The following SPIDR variants were observed in gnomAD, a reference collection of about 807,000 sequenced individuals.
SPIDR encodes the protein DNA repair-scaffolding protein.
In SPIDR, 93 loss-of-function variants were observed where a neutral mutation model predicts 104.6. That is an observed-to-expected ratio of 0.89 (90% confidence interval 0.75 to 1.06). The LOEUF (loss-of-function observed/expected upper bound fraction) is 1.06, where lower values mean the gene tolerates loss of function less well. Ranked by LOEUF, SPIDR falls within the 50% of genes least tolerant of loss-of-function variation. SPIDR has a pLI of 0.00. For synonymous variants in SPIDR, 431 were observed against 416.9 expected, an observed-to-expected ratio of 1.03 and a Z score of -0.41; for missense variants, 1,154 against 1,111.2, an observed-to-expected ratio of 1.04 and a Z score of -0.55.
intron 8 of SPIDR, among the ~76,000 whole-genome samples, chr8:47,532,140 G>C (rs1033257404): frequency 6.7e-6 from 1 of 149,954 alleles, no homozygotes; most frequent in African/African-American, 2.5e-5. Flanking sequence ...GCGCGATCTC[G>C]GCTCACTGCA....
chr8:47,492,243 C>T (rs2078835849), intron 8 of SPIDR, among the ~76,000 whole-genome samples: 1 of 152,174 alleles, frequency 6.6e-6, no homozygotes, highest in Non-Finnish European at 1.5e-5. Context: ...CCCCTGATTT[C>T]CATCTGCCAG....
chr8:47,592,294 T>C (rs1208199769), intron 8 of SPIDR: 1 of 1,114,874 alleles, frequency 9.0e-7, no homozygotes, highest in Non-Finnish European at 1.4e-6. Flanking sequence ...ATAGCAGAAC[T>C]GTGTGCGGAT....
At chr8:47,485,212 G>C (rs554518753) in intron 8 of SPIDR, among the ~76,000 whole-genome samples, 2 of 152,224 alleles carry the variant, frequency 1.3e-5, no homozygotes, top group Non-Finnish European at 1.5e-5. Context: ...CCCGTGCAAG[G>C]CTCGGAGGGT....
At chr8:47,492,967 C>T (rs1270379240) in intron 8 of SPIDR, among the ~76,000 whole-genome samples, 1 of 151,906 alleles carries the variant, frequency 6.6e-6, no homozygotes, top group Admixed American at 6.6e-5. Flanking sequence ...AATGAAGTCT[C>T]TACTGATACC....
intron 5 of SPIDR, among the ~76,000 whole-genome samples, chr8:47,298,729 GT>G (rs1396998621): frequency 6.6e-6 from 1 of 152,092 alleles, no homozygotes; most frequent in Non-Finnish European, 1.5e-5. Flanking sequence ...CCCATTTCTT[GT>G]TTTTGTCAGG....
intron 3 of SPIDR, among the ~76,000 whole-genome samples, chr8:47,289,677 C>T (rs2039544601): frequency 6.6e-6 from 1 of 152,172 alleles, no homozygotes; most frequent in African/African-American, 2.4e-5. Context: ...TAAAATGGTA[C>T]AGCCACTCTG....
At chr8:47,388,293 A>G (rs1033335076) in intron 5 of SPIDR, 10 of 153,284 alleles carry the variant, frequency 6.5e-5, no homozygotes, top group Admixed American at 1.3e-4. Context: ...TACCTTGTAC[A>G]TGGTGTGTAC....
At chr8:47,687,320 C>T (rs770777012) in intron 11 of SPIDR, among the ~76,000 whole-genome samples, 1 of 152,014 alleles carries the variant, frequency 6.6e-6, no homozygotes, top group Non-Finnish European at 1.5e-5. Context: ...GGATATTTAC[C>T]CCGGTAAGTA....
chr8:47,402,101 A>C (rs1554663495), intron 6 of SPIDR, among the ~76,000 whole-genome samples: 1 of 152,238 alleles, frequency 6.6e-6, no homozygotes, highest in African/African-American at 2.4e-5. Flanking sequence ...ATTCCTCAGC[A>C]AATGTAAAAG....
At position 47,460,258 on chromosome 8, in the gene SPIDR, G is replaced by A. The variant is rs533674850; in HGVS notation, c.1097+19716G>A. Among the ~76,000 whole-genome samples the A allele has an allele frequency of 7.9e-5, 12 of 152,092 alleles. No homozygotes were observed. In the East Asian group the frequency reaches 1.5e-3, roughly 20 times the overall value. On this transcript the variant is annotated intron_variant, in intron 8 of 19. Transcript: ENST00000297423. ...GTTGAAGTCCTCCACTATTATTTTTGTTGCTGTCTATCTCGTTACTTATGT... is the reference window on the plus strand; with the variant it reads ...GTTGAAGTCCTCCACTATTATTTTTATTGCTGTCTATCTCGTTACTTATGT...
At chr8:47,653,781 T>G (rs1209338754) in intron 10 of SPIDR, among the ~76,000 whole-genome samples, 1 of 152,068 alleles carries the variant, frequency 6.6e-6, no homozygotes, top group Non-Finnish European at 1.5e-5. Context: ...GATTCCTGCC[T>G]TCAAGAAACT....
At chr8:47,326,456 G>T (rs1554600392) in intron 5 of SPIDR, among the ~76,000 whole-genome samples, 2 of 152,152 alleles carry the variant, frequency 1.3e-5, no homozygotes, top group African/African-American at 4.8e-5. Context: ...TTACTTTATT[G>T]AGGTGAAATT....
chr8:47,600,372 T>A (rs999198448), intron 10 of SPIDR, among the ~76,000 whole-genome samples: 2 of 152,020 alleles, frequency 1.3e-5, no homozygotes, highest in Non-Finnish European at 2.9e-5. Flanking sequence ...GACAATGCAA[T>A]CATCCTATCA....
intron 5 of SPIDR, among the ~76,000 whole-genome samples, chr8:47,328,423 T>A (rs1275983742): frequency 3.9e-5 from 6 of 151,942 alleles, no homozygotes; most frequent in African/African-American, 1.5e-4. Flanking sequence ...AATTATTTTT[T>A]TTTTTTTTTT....
At chr8:47,568,185 G>C (rs961305384) in intron 8 of SPIDR, among the ~76,000 whole-genome samples, 1 of 152,012 alleles carries the variant, frequency 6.6e-6, no homozygotes, top group African/African-American at 2.4e-5. Flanking sequence ...TTACGAGCAT[G>C]AATCTACCTT....
At chr8:47,408,075 T>A (rs2062995622) in intron 7 of SPIDR, 114 bp downstream of exon 7, 2 of 510,460 alleles carry the variant, frequency 3.9e-6, no homozygotes, top group Non-Finnish European at 6.6e-6. Context: ...TTTTTAAAAA[T>A]TTTTTCCAAC....
At chr8:47,335,123 TTAC>T (rs2154270315) in intron 5 of SPIDR, among the ~76,000 whole-genome samples, 1 of 152,296 alleles carries the variant, frequency 6.6e-6, no homozygotes, top group African/African-American at 2.4e-5. Context: ...CATGTTGCTG[TTAC>T]TATTTTGACC....
chr8:47,513,239 TCAAAA>T (rs2082635207), intron 8 of SPIDR, among the ~76,000 whole-genome samples: 1 of 152,230 alleles, frequency 6.6e-6, no homozygotes, highest in Admixed American at 6.5e-5. Flanking sequence ...AACCAGATAT[TCAAAA>T]CAAAACAGAT....
intron 1 of SPIDR, among the ~76,000 whole-genome samples, chr8:47,278,995 T>A (rs1227906700): frequency 6.6e-6 from 1 of 151,922 alleles, no homozygotes; most frequent in Non-Finnish European, 1.5e-5. Flanking sequence ...CAAGCGATCC[T>A]CCTGGTTCAG....
Sources: allele counts gnomAD v4.1 joint callset (sites outside exome capture counted in the v4.1 genomes callset), GRCh38; gene constraint gnomAD v4.1.1; transcripts MANE v1.5; gene names NCBI Gene and HGNC (gene_info 2026-07-23, HGNC 2026-07-21).